NTSR2: variants seen among roughly 807,000 people sequenced by gnomAD.
NTSR2 encodes the protein neurotensin receptor type 2.
Under a neutral mutation model 24.1 loss-of-function variants are expected in NTSR2, and 22 were observed. The observed-to-expected ratio is 0.91, with a 90% CI of 0.65 to 1.30. The LOEUF (loss-of-function observed/expected upper bound fraction) is 1.30, where lower values mean the gene tolerates loss of function less well. NTSR2 is among the 50% of genes most tolerant of loss of function. The probability of loss-of-function intolerance (pLI) is 0.00; values close to 1 mark genes in which losing one functional copy is unlikely to be tolerated. For missense variants in NTSR2, 570 were observed against 570.4 expected (o/e 1.00, Z 0.01); for synonymous variants, 291 against 267.0 (o/e 1.09, Z -0.88).
At chr2:11,664,750 G>C (rs555387243) in intron 1 of NTSR2, among the ~76,000 whole-genome samples, 1 of 151,958 alleles carries the variant, frequency 6.6e-6, no homozygotes, top group Non-Finnish European at 1.5e-5. Context: ...ATAGTTTTTC[G>C]TACTTTCAAA....
rs150205086 is a variant in NTSR2 at position 11,661,953 on chromosome 2, AC to A, written c.898+13del. On this transcript the variant is annotated intron_variant, in intron 2 of 3. Transcript: ENST00000306928. ...GGCCCCTTTCTTCTGGGGTGATGTT[AC>A]AGAGGACTTAACTGAGAACCTGGAC... 3,357 of 1,548,608 alleles carry A rather than the reference AC, an allele frequency of 2.2e-3. 54 individuals are homozygous for A. The African/African-American group carries it at 0.041, about 19-fold the overall frequency.
intron 1 of NTSR2, chr2:11,665,988 CAAGAAACCAGGTCAAGACTGCAGG>C (rs924691525): frequency 7.9e-5 from 12 of 152,668 alleles, no homozygotes; most frequent in African/African-American, 2.4e-4. Context: ...CCTCTGAGGC[CAAGAAACCAGGTCAAGACTGCAGG>C]AAGGCACGCA....
chr2:11,658,277 C>T lies in NTSR2; in HGVS notation c.*202G>A. 1.8e-6 allele frequency: 1 copy of T among 559,582 alleles called. No homozygotes were observed. The highest frequency in any genetic ancestry group is 3.0e-6 in the Non-Finnish European group (1 of 330,164). The allele number at this position is 559,582 out of a possible 1,614,324, so 34.7% of individuals were successfully genotyped here. Reference sequence around the variant, plus strand: ...CTAAGAGATGGGTGCTGTTCTTTATCTCCACTACACAGACGAGGGAGCCTG... The same window carrying T: ...CTAAGAGATGGGTGCTGTTCTTTATTTCCACTACACAGACGAGGGAGCCTG... On this transcript the variant is annotated 3_prime_UTR_variant, in exon 4 of 4. Coordinates refer to ENST00000306928, the MANE Select transcript of NTSR2 (RefSeq NM_012344.4).
rs780935867 is a variant in NTSR2, at chr2:11,669,460, GC to G, written c.624+45del. The G allele has an allele frequency of 5.5e-5, 14 of 256,408 alleles. No homozygotes were observed. In the South Asian group the frequency reaches 6.2e-4, roughly 11 times the overall value. The allele number at this position is 256,408 out of a possible 1,614,324, so 15.9% of individuals were successfully genotyped here. ...GAGGGGGTTCCCTCCTCCCAGCACCGCCCCCCCACCCCCCCTCCCCCGACTC... is the reference window on the plus strand; with the variant it reads ...GAGGGGGTTCCCTCCTCCCAGCACCGCCCCCCACCCCCCCTCCCCCGACTC... On this transcript the variant is annotated intron_variant, in intron 1 of 3. Coordinates refer to ENST00000306928, the MANE Select transcript of NTSR2 (RefSeq NM_012344.4).
At chr2:11,666,226 G>T (rs1661196369) in intron 1 of NTSR2, among the ~76,000 whole-genome samples, 1 of 152,160 alleles carries the variant, frequency 6.6e-6, no homozygotes, top group Non-Finnish European at 1.5e-5. Flanking sequence ...CTCCTTGCCA[G>T]TCCTTCCAGC....
intron 1 of NTSR2, among the ~76,000 whole-genome samples, chr2:11,668,844 T>A (rs1044371625): frequency 7.9e-5 from 12 of 151,472 alleles, no homozygotes; most frequent in Non-Finnish European, 4.4e-5. Flanking sequence ...GACGGGAGAG[T>A]CCCTGGAGTT....
chr2:11,658,826 C>G, intron 3 of NTSR2, 104 bp from the exon 4 acceptor site: 3 of 1,316,326 alleles, frequency 2.3e-6, no homozygotes, highest in Non-Finnish European at 3.1e-6. Context: ...CATGACGAAG[C>G]CTATTTTCTG....
chr2:11,661,963 T>TAG lies in NTSR2; in HGVS notation c.898+3_898+4insCT, dbSNP rs1367889925. 62 of 1,573,346 alleles carry TAG rather than the reference T, an allele frequency of 3.9e-5. No individual in the cohort carries two copies. The highest frequency in any genetic ancestry group is 5.3e-5 in the Non-Finnish European group (61 of 1,159,492). On this transcript the variant is annotated splice_donor_region_variant and intron_variant, in intron 2 of 3. Coordinates refer to ENST00000306928, the MANE Select transcript of NTSR2 (RefSeq NM_012344.4). ...TTCTGGGGTGATGTTACAGAGGACTTAACTGAGAACCTGGACGCTGCGCTG... is the reference window on the plus strand; with the variant it reads ...TTCTGGGGTGATGTTACAGAGGACTTAGAACTGAGAACCTGGACGCTGCGCTG...
At position 11,660,076 on chromosome 2, in the gene NTSR2, A is replaced by G. The variant is rs752013400; in HGVS notation, c.956T>C (p.Met319Thr). ...CWLPYHARRL[M>T]YCYVPDDAWT... ...CGCGTCATCAGGTACGTAGCAGTAC[A>G]TGAGCCTGCGGGCATGGTACGGCAG... Residue 319 changes from methionine (M) to threonine (T), a missense_variant, in exon 3 of 4, where the codon ATG (methionine) becomes ACG (threonine). Coordinates refer to ENST00000306928, the MANE Select transcript of NTSR2 (RefSeq NM_012344.4). 2.5e-6 allele frequency: 4 copies of G among 1,613,852 alleles called. No homozygotes were observed. The highest frequency in any genetic ancestry group is 1.7e-6 in the Non-Finnish European group (2 of 1,179,972).
chr2:11,669,977 C>T lies in NTSR2; in HGVS notation c.153G>A (p.Ala51=). The T allele has an allele frequency of 6.6e-7, 1 of 1,511,372 alleles. No homozygotes were observed. 93.6% of individuals were successfully genotyped at this position (1,511,372 alleles called of 1,614,324 possible). A position where few individuals can be genotyped will look rare whatever the true frequency, so the allele number is the denominator to read the frequency against. ...CCTTCAGCACCACGTGCGCGGACAG[C>T]GCATTGCCCGCCGCGCCCAGCGCCC... The part of the protein sequence containing the change: ...LIWALGAAGN[A]LSAHVVLKAR... Residue 51 remains alanine (A), a synonymous_variant, in exon 1 of 4, where the codon GCG becomes GCA. Transcript: ENST00000306928.
At chr2:11,665,596 T>C (rs1424701780) in intron 1 of NTSR2, 2 of 151,880 alleles carry the variant, frequency 1.3e-5, no homozygotes, top group Non-Finnish European at 2.9e-5. Context: ...AGTTAAAATA[T>C]TGGCAGGTTC....
rs748404503 is a variant in NTSR2 at position 11,661,998 on chromosome 2, G to C, written c.867C>G (p.Ile289Met). 4 of 1,609,894 alleles carry C rather than the reference G, an allele frequency of 2.5e-6. No homozygotes were observed. The highest frequency in any genetic ancestry group is 3.4e-6 in the Non-Finnish European group (4 of 1,178,050). ...SLVRHKDVRR[I>M]RSLQRSVQVL... Reference sequence around the variant, plus strand: ...CCTGGACGCTGCGCTGGAGGCTGCGGATCCGGCGCACGTCTTTATGTCTCA... The same window carrying C: ...CCTGGACGCTGCGCTGGAGGCTGCGCATCCGGCGCACGTCTTTATGTCTCA... Residue 289 changes from isoleucine to methionine, a missense_variant, in exon 2 of 4, where the codon ATC becomes ATG. Physicochemically the swap from Ile to Met is conservative, Grantham distance 10. Transcript: ENST00000306928.
intron 1 of NTSR2, among the ~76,000 whole-genome samples, chr2:11,668,173 C>T (rs76369609): frequency 0.025 from 3,744 of 152,292 alleles, 81 homozygotes; most frequent in Non-Finnish European, 0.033. Flanking sequence ...AATCTTAAGA[C>T]GTTGCCTGCT....
At chr2:11,669,462 C>CGGGGGGGG in intron 1 of NTSR2, 44 bp downstream of exon 1, 1 of 155,788 alleles carries the variant, frequency 6.4e-6, no homozygotes. Context: ...CCAGCACCGC[C>CGGGGGGGG]CCCCCACCCC....
At chr2:11,661,043 C>G (rs1421654123) in intron 2 of NTSR2, among the ~76,000 whole-genome samples, 1 of 152,168 alleles carries the variant, frequency 6.6e-6, no homozygotes, top group East Asian at 1.9e-4. Context: ...CTACTCTGCT[C>G]TGACTGGCAA....
At chr2:11,665,652 A>G (rs2148487522) in intron 1 of NTSR2, 1 of 152,372 alleles carries the variant, frequency 6.6e-6, no homozygotes, top group Non-Finnish European at 1.5e-5. Flanking sequence ...AGCAAACTGC[A>G]TCTAGGATGG....
chr2:11,669,459 C>CGGGGCGG, intron 1 of NTSR2, 47 bp downstream of exon 1: 2 of 337,890 alleles, frequency 5.9e-6, no homozygotes, highest in Non-Finnish European at 1.1e-5. Context: ...CTCCCAGCAC[C>CGGGGCGG]GCCCCCCCAC....
intron 2 of NTSR2, among the ~76,000 whole-genome samples, chr2:11,660,651 G>A (rs779999045): frequency 2.2e-4 from 34 of 152,258 alleles, no homozygotes; most frequent in Admixed American, 7.8e-4. Flanking sequence ...TGAAGCAGGA[G>A]AATTGCTTGA....
In NTSR2 at chr2:11,662,240, C is replaced by A; in HGVS notation, c.625G>T (p.Val209Leu). ...SRTALQVFIQ[V>L]NVLVSFVLPL... ...AGCACGAAGGACACCAGCACATTCACCTGTGGAGGTAATGCCAAGGGCTAT... is the reference window on the plus strand; with the variant it reads ...AGCACGAAGGACACCAGCACATTCAACTGTGGAGGTAATGCCAAGGGCTAT... The change falls in exon 2 of 4, where the codon GTG becomes TTG. Residue 209 changes from valine to leucine, a missense_variant and splice_region_variant. By Grantham distance (32) the Val-to-Leu change is conservative. Transcript: ENST00000306928. 6.7e-7 allele frequency: 1 copy of A among 1,502,836 alleles called. No homozygotes were observed. Among genetic ancestry groups the A allele is most frequent in the Non-Finnish European group, 8.9e-7 (1 of 1,124,416 alleles). The allele number at this position is 1,502,836 out of a possible 1,614,324, so 93.1% of individuals were successfully genotyped here. A position where few individuals can be genotyped will look rare whatever the true frequency, so the allele number is the denominator to read the frequency against.
Sources: allele counts gnomAD v4.1 joint callset (sites outside exome capture counted in the v4.1 genomes callset), GRCh38; gene constraint gnomAD v4.1.1; transcripts MANE v1.5; gene names NCBI Gene and HGNC (gene_info 2026-07-23, HGNC 2026-07-21).